The following P2RX3 variants were observed in gnomAD, a reference collection of about 807,000 sequenced individuals.
P2RX3 encodes the protein P2X purinoceptor 3.
P2RX3 carries 41 observed loss-of-function variants against 51.5 expected under a neutral mutation model. The ratio of observed to expected loss-of-function variants is 0.80; its 90% CI spans 0.62 to 1.03. The LOEUF (loss-of-function observed/expected upper bound fraction) is 1.03, where lower values mean the gene tolerates loss of function less well. Among genes scored for constraint, P2RX3 ranks in the 50% least tolerant of loss-of-function variants. The pLI, the probability that P2RX3 is intolerant of heterozygous loss-of-function variation, is 0.00. For synonymous variants in P2RX3, 185 were observed against 191.6 expected, an observed-to-expected ratio of 0.97 and a Z score of 0.29; for missense variants, 459 against 522.1, an observed-to-expected ratio of 0.88 and a Z score of 1.18.
chr11:57,354,731 C>T (rs932846512), intron 8 of P2RX3, among the ~76,000 whole-genome samples: 3 of 151,350 alleles, frequency 2.0e-5, no homozygotes, highest in Non-Finnish European at 2.9e-5. Context: ...GTGAGTGTGT[C>T]AGTGTGTGTG....
chr11:57,367,350 T>C (rs1396631479), intron 8 of P2RX3, among the ~76,000 whole-genome samples: 4 of 152,110 alleles, frequency 2.6e-5, no homozygotes, highest in Non-Finnish European at 4.4e-5. Flanking sequence ...CCCAGACAAA[T>C]GGAACTGAAG....
intron 6 of P2RX3, among the ~76,000 whole-genome samples, chr11:57,349,380 C>T (rs372137083): frequency 1.3e-3 from 200 of 151,828 alleles, no homozygotes; most frequent in African/African-American, 4.7e-3. Flanking sequence ...GCAGGAGAAT[C>T]GCTTGAACCT....
chr11:57,346,477 T>C lies in P2RX3; in HGVS notation c.120-67T>C. ...CAAGTGTTGGCAGGAAGGTGACCTC[T>C]CCCAGCTTCTGTCTGCTGGGTCTAT... On this transcript the variant is annotated intron_variant, in intron 1 of 11. Coordinates refer to ENST00000263314, the MANE Select transcript of P2RX3 (RefSeq NM_002559.5). The C allele has an allele frequency of 1.9e-6, 3 of 1,571,736 alleles. No homozygotes were observed. The South Asian group carries it at 3.5e-5, about 18-fold the overall frequency.
chr11:57,342,956 C>T (rs984846769), intron 1 of P2RX3, among the ~76,000 whole-genome samples: 1 of 152,216 alleles, frequency 6.6e-6, no homozygotes, highest in African/African-American at 2.4e-5. Flanking sequence ...AAGGAGCTGC[C>T]ACACGCCTTC....
upstream of P2RX3, chr11:57,336,027 A>G (rs1305375413): frequency 6.6e-6 from 1 of 152,188 alleles, no homozygotes; most frequent in East Asian, 1.9e-4. Context: ...CGGCCTAGAA[A>G]ATGTGTGTAG....
intron 4 of P2RX3, 46 bp from the exon 5 acceptor site, chr11:57,348,124 G>T: frequency 6.7e-7 from 1 of 1,491,960 alleles, no homozygotes; most frequent in South Asian, 1.2e-5. Context: ...AAAGGGAGAG[G>T]AGCAAAGGGC....
intron 8 of P2RX3, among the ~76,000 whole-genome samples, chr11:57,351,338 T>C (rs1460311032): frequency 1.3e-5 from 2 of 152,244 alleles, no homozygotes; most frequent in Non-Finnish European, 2.9e-5. Flanking sequence ...TTTTACAAGA[T>C]GGCAACTTTG....
chr11:57,349,779 A>T lies in P2RX3; in HGVS notation c.586A>T (p.Thr196Ser). 6.2e-7 allele frequency: 1 copy of T among 1,614,180 alleles called. No homozygotes were observed. Among genetic ancestry groups the T allele is most frequent in the Non-Finnish European group, 8.5e-7 (1 of 1,180,030 alleles). ...CAGGGGAAACCTCCTTCCCAACCTG[A>T]CAGCCAGGGACATGAAGACCTGCCG... ...FEKGNLLPNLTARDMKTCRFH... is the reference protein window; with the variant it reads ...FEKGNLLPNLSARDMKTCRFH... The change falls in exon 7 of 12, where the codon ACA (threonine) becomes TCA (serine). Residue 196 changes from threonine to serine, a missense_variant. Physicochemically the swap from Thr to Ser is moderately conservative, Grantham distance 58. Coordinates refer to ENST00000263314, the MANE Select transcript of P2RX3 (RefSeq NM_002559.5).
rs368433823 is a variant in P2RX3, at chr11:57,349,672, C to T, written c.564-85C>T. On this transcript the variant is annotated intron_variant, in intron 6 of 11. Transcript: ENST00000263314. The stretch of plus-strand genomic sequence containing the variant: ...GCTGAGGGCTCAGATCCCCCCTAGG[C>T]CTGGGCTCCGGAAGGCGGGGAGAGA... 811 of 1,555,330 alleles carry T rather than the reference C, an allele frequency of 5.2e-4. 11 individuals carry two copies. The South Asian group carries it at 8.8e-3, about 17-fold the overall frequency.
At chr11:57,338,714 G>C in intron 1 of P2RX3, 45 bp downstream of exon 1, 2 of 1,365,918 alleles carry the variant, frequency 1.5e-6, no homozygotes, top group East Asian at 4.7e-5. Flanking sequence ...GGGCTGCCTG[G>C]TATCCCGTCT....
At chr11:57,342,457 C>T (rs1254435526) in intron 1 of P2RX3, among the ~76,000 whole-genome samples, 2 of 152,050 alleles carry the variant, frequency 1.3e-5, no homozygotes, top group African/African-American at 4.8e-5. Flanking sequence ...CCATGCCTGG[C>T]TGGATGCCCC....
intron 10 of P2RX3, among the ~76,000 whole-genome samples, chr11:57,368,739 C>T (rs896518604): frequency 6.6e-6 from 1 of 152,148 alleles, no homozygotes; most frequent in African/African-American, 2.4e-5. Context: ...CTCTGGGTTT[C>T]TGCAGACCTG....
Position 57,350,751 on chromosome 11 carries a change from C to A in P2RX3, c.706-11C>A. ...GCGAGGGGAAAGCTCATACCCGGCC[C>A]GTTTCTTCAGGGGGGAGTTCTGGGC... On this transcript the variant is annotated splice_polypyrimidine_tract_variant and intron_variant, in intron 7 of 11. Transcript: ENST00000263314. 1 of 1,613,902 alleles carries A rather than the reference C, an allele frequency of 6.2e-7. No individual in the cohort carries two copies. The highest frequency in any genetic ancestry group is 8.5e-7 in the Non-Finnish European group (1 of 1,179,940).
At chr11:57,340,931 A>G (rs868186485) in intron 1 of P2RX3, among the ~76,000 whole-genome samples, 1 of 152,214 alleles carries the variant, frequency 6.6e-6, no homozygotes, top group African/African-American at 2.4e-5. Flanking sequence ...AAAGAAGGTC[A>G]TTGTGGCTGG....
chr11:57,360,493 A>C (rs1267948207), intron 8 of P2RX3, among the ~76,000 whole-genome samples: 2 of 152,118 alleles, frequency 1.3e-5, no homozygotes, highest in African/African-American at 4.8e-5. Flanking sequence ...CTTTGGGCAA[A>C]CAGAAACAGT....
At chr11:57,351,772 G>A (rs993910058) in intron 8 of P2RX3, among the ~76,000 whole-genome samples, 12 of 152,094 alleles carry the variant, frequency 7.9e-5, no homozygotes, top group East Asian at 7.7e-4. Flanking sequence ...GCTGAGGACC[G>A]TACTCAGTTA....
intron 8 of P2RX3, among the ~76,000 whole-genome samples, chr11:57,359,255 T>A (rs1024439406): frequency 6.6e-6 from 1 of 152,010 alleles, no homozygotes; most frequent in African/African-American, 2.4e-5. Context: ...ACATACCCCA[T>A]CCCCTCCTTC....
In P2RX3 at chr11:57,370,071, A is replaced by C; in HGVS notation, c.*74A>C. 1.1e-6 allele frequency: 1 copy of C among 902,178 alleles called. No individual in the cohort carries two copies. Among genetic ancestry groups the C allele is most frequent in the Non-Finnish European group, 1.7e-6 (1 of 586,666 alleles). 55.9% of individuals were successfully genotyped at this position (902,178 alleles called of 1,614,324 possible). A position where few individuals can be genotyped will look rare whatever the true frequency, so the allele number is the denominator to read the frequency against. The stretch of plus-strand genomic sequence containing the variant: ...AGAGGACCCTGCCTGAGCAAGGGGC[A>C]TGGGAGGGAAGAGGGGCTCTCATTT... On this transcript the variant is annotated 3_prime_UTR_variant, in exon 12 of 12. Transcript: ENST00000263314.
At chr11:57,349,121 C>T (rs1856495911) in intron 6 of P2RX3, among the ~76,000 whole-genome samples, 1 of 152,154 alleles carries the variant, frequency 6.6e-6, no homozygotes, top group Non-Finnish European at 1.5e-5. Context: ...CATTCCACAG[C>T]TACTCAGTGG....
Sources: allele counts gnomAD v4.1 joint callset (sites outside exome capture counted in the v4.1 genomes callset), GRCh38; gene constraint gnomAD v4.1.1; transcripts MANE v1.5; gene names NCBI Gene and HGNC (gene_info 2026-07-23, HGNC 2026-07-21).